MRRF: variants seen among roughly 807,000 people sequenced by gnomAD.
The protein encoded by MRRF is ribosome-recycling factor, mitochondrial.
MRRF carries 18 observed loss-of-function variants against 25.1 expected under a neutral mutation model. That is an observed-to-expected ratio of 0.72 (90% confidence interval 0.50 to 1.06). The LOEUF (loss-of-function observed/expected upper bound fraction) is 1.06, where lower values mean the gene tolerates loss of function less well. Ranked by LOEUF, MRRF falls within the 50% of genes least tolerant of loss-of-function variation. The pLI, the probability that MRRF is intolerant of heterozygous loss-of-function variation, is 0.00. For missense variants in MRRF, 323 were observed against 319.3 expected, an observed-to-expected ratio of 1.01 and a Z score of -0.09; for synonymous variants, 113 against 112.1, an observed-to-expected ratio of 1.01 and a Z score of -0.05.
At chr9:122,266,355 C>A (rs991095049) in intron 1 of MRRF, among the ~76,000 whole-genome samples, 19 of 152,144 alleles carry the variant, frequency 1.2e-4, no homozygotes, top group Non-Finnish European at 2.5e-4. Context: ...CCAAGGAAGC[C>A]GTCCTCTGAG....
chr9:122,297,715 C>T (rs1834178828), intron 5 of MRRF, among the ~76,000 whole-genome samples: 1 of 152,134 alleles, frequency 6.6e-6, no homozygotes, highest in Admixed American at 6.5e-5. Flanking sequence ...GAAGTGAATG[C>T]AGAATGTGGG....
intron 6 of MRRF, among the ~76,000 whole-genome samples, chr9:122,317,103 T>A (rs1287256611): frequency 6.6e-6 from 1 of 150,810 alleles, no homozygotes; most frequent in African/African-American, 2.4e-5. Context: ...TTTGTTGAGA[T>A]GATTTCCTTA....
intron 5 of MRRF, among the ~76,000 whole-genome samples, chr9:122,310,491 G>A (rs1202012982): frequency 6.6e-6 from 1 of 152,218 alleles, no homozygotes; most frequent in Non-Finnish European, 1.5e-5. Flanking sequence ...TTCTTCTGCA[G>A]CTAACAAGTT....
Position 122,313,749 on chromosome 9 carries a change from G to A in MRRF, c.711+363G>A, listed in dbSNP as rs759211246. On this transcript the variant is annotated intron_variant, in intron 6 of 6. Transcript: ENST00000344641. The stretch of plus-strand genomic sequence containing the variant: ...AAATCGGATCCATACTTAGGCAGAC[G>A]GATTTCAGAGCCTCTACGCTAATGC... Among the ~76,000 whole-genome samples, 43 of 152,148 alleles carry A rather than the reference G, an allele frequency of 2.8e-4. 1 individual carries two copies. Among genetic ancestry groups the A allele is most frequent in the South Asian group, 6.2e-4 (3 of 4,818 alleles).
At position 122,330,255 on chromosome 9, in the gene MRRF, G is replaced by A. The variant is rs1836248804; in HGVS notation, c.*7638G>A. On this transcript the variant is annotated 3_prime_UTR_variant, in exon 7 of 7. Transcript: ENST00000344641. The surrounding 1 kb of genome is among the most constrained non-coding windows in gnomAD (Gnocchi z 4.2). The stretch of plus-strand genomic sequence containing the variant: ...GAGCATGCTGGGTGGAAGCCCTGAA[G>A]AGGAAGGGAGAAGGTCTCTGCCCAC... 6.6e-6 allele frequency: 1 copy of A among 152,644 alleles called. No individual in the cohort carries two copies. Among genetic ancestry groups the A allele is most frequent in the African/African-American group, 2.4e-5 (1 of 41,462 alleles). The allele number at this position is 152,644 out of a possible 1,614,324, so 9.5% of individuals were successfully genotyped here.
chr9:122,290,591 A>G lies in MRRF; in HGVS notation c.460-1158A>G, dbSNP rs1287105032. 2.0e-5 allele frequency among the ~76,000 whole-genome samples: 3 copies of G among 152,218 alleles called. No homozygotes were observed. In the East Asian group the frequency reaches 5.8e-4, roughly 29 times the overall value. ...ACCCAGAAAAGTAAAATAGGTGTAT[A>G]TCAACCGCCATTCATTTAAATTAGA... On this transcript the variant is annotated intron_variant, in intron 4 of 6. Coordinates refer to ENST00000344641, the MANE Select transcript of MRRF (RefSeq NM_138777.5).
intron 5 of MRRF, among the ~76,000 whole-genome samples, chr9:122,304,287 GT>G (rs140361418): frequency 0.02 from 3,028 of 152,242 alleles, 100 homozygotes; most frequent in African/African-American, 0.064. Flanking sequence ...CCAGTACACT[GT>G]TTCTTTCTAC....
intron 6 of MRRF, among the ~76,000 whole-genome samples, chr9:122,318,165 A>G (rs1408162154): frequency 6.6e-6 from 1 of 152,086 alleles, no homozygotes; most frequent in Non-Finnish European, 1.5e-5. Flanking sequence ...GAAATGATTC[A>G]TTTGTAGGTT....
intron 5 of MRRF, among the ~76,000 whole-genome samples, chr9:122,294,028 A>G (rs1833936969): frequency 1.3e-5 from 2 of 152,234 alleles, no homozygotes; most frequent in South Asian, 4.1e-4. Flanking sequence ...CGTTAGAAGC[A>G]AGATTTACAA....
chr9:122,300,307 C>T (rs1749550698), intron 5 of MRRF, among the ~76,000 whole-genome samples: 1 of 152,124 alleles, frequency 6.6e-6, no homozygotes, highest in Non-Finnish European at 1.5e-5. Context: ...GGCATCTGTA[C>T]CCCTCACAGC....
At chr9:122,316,424 C>T (rs1205986266) in intron 6 of MRRF, among the ~76,000 whole-genome samples, 2 of 152,132 alleles carry the variant, frequency 1.3e-5, no homozygotes, top group East Asian at 1.9e-4. Context: ...GATCCGCCCA[C>T]CTCAGCCCCC....
chr9:122,285,430 C>A, intron 4 of MRRF, 143 bp downstream of exon 4: 1 of 746,702 alleles, frequency 1.3e-6, no homozygotes, highest in Non-Finnish European at 2.4e-6. Context: ...TAAGGCAAAG[C>A]TCTTTTCCTG....
intron 2 of MRRF, among the ~76,000 whole-genome samples, chr9:122,277,353 G>A (rs1037272923): frequency 6.6e-6 from 1 of 152,030 alleles, no homozygotes; most frequent in African/African-American, 2.4e-5. Flanking sequence ...TCTTTTGACT[G>A]ATGTTTGCCA....
Position 122,291,799 on chromosome 9 carries a change from C to T in MRRF, c.510C>T (p.Asn170=), listed in dbSNP as rs201001240. The T allele has an allele frequency of 1.9e-6, 3 of 1,613,776 alleles. No individual in the cohort carries two copies. The highest frequency in any genetic ancestry group is 2.5e-6 in the Non-Finnish European group (3 of 1,179,822). Residue 170 remains asparagine (N), a synonymous_variant, in exon 5 of 7, where the codon AAC becomes AAT. Coordinates refer to ENST00000344641, the MANE Select transcript of MRRF (RefSeq NM_138777.5). ...TAAGAGAAAGTGGAATGAATCTGAACCCAGAAGTGGAAGGGACGCTAATTC... is the reference window on the plus strand; with the variant it reads ...TAAGAGAAAGTGGAATGAATCTGAATCCAGAAGTGGAAGGGACGCTAATTC... The part of the protein sequence containing the change: ...KAIRESGMNL[N]PEVEGTLIRV...
chr9:122,280,686 T>C (rs1026056885), intron 3 of MRRF, 88 bp downstream of exon 3: 5 of 1,314,530 alleles, frequency 3.8e-6, no homozygotes, highest in African/African-American at 1.5e-5. Context: ...AGCTTTGCCA[T>C]TTACTAACTG....
At chr9:122,320,234 A>C (rs1439715110) in intron 6 of MRRF, among the ~76,000 whole-genome samples, 1 of 152,184 alleles carries the variant, frequency 6.6e-6, no homozygotes, top group Non-Finnish European at 1.5e-5. Flanking sequence ...AGTAACAAGA[A>C]ATAGCAAATA....
At chr9:122,265,403 A>C (rs1489416626) in intron 1 of MRRF, 2 of 256,464 alleles carry the variant, frequency 7.8e-6, no homozygotes, top group East Asian at 2.2e-4. Flanking sequence ...TTGTCATTTC[A>C]GTAGCCCTTC....
At position 122,275,147 on chromosome 9, in the gene MRRF, G is replaced by C. The variant is rs187800059; in HGVS notation, c.184+4072G>C. 2.3e-4 allele frequency among the ~76,000 whole-genome samples: 34 copies of C among 149,088 alleles called. No individual in the cohort carries two copies. In the East Asian group the frequency reaches 5.9e-3, roughly 26 times the overall value. Reference sequence around the variant, plus strand: ...AAAATCTGTCTTAGCAAAAAATCCAGAGTATAATACAATATTACTAACTAT... The same window carrying C: ...AAAATCTGTCTTAGCAAAAAATCCACAGTATAATACAATATTACTAACTAT... On this transcript the variant is annotated intron_variant, in intron 2 of 6. Coordinates refer to ENST00000344641, the MANE Select transcript of MRRF (RefSeq NM_138777.5).
intron 5 of MRRF, among the ~76,000 whole-genome samples, chr9:122,292,905 T>A (rs1218678544): frequency 6.6e-6 from 1 of 152,166 alleles, no homozygotes; most frequent in Non-Finnish European, 1.5e-5. Flanking sequence ...CAAATAAGTG[T>A]TGAATTAACT....
Sources: allele counts gnomAD v4.1 joint callset (sites outside exome capture counted in the v4.1 genomes callset), GRCh38; gene constraint gnomAD v4.1.1; non-coding constraint Gnocchi (gnomAD v3.1); transcripts MANE v1.5; gene names NCBI Gene and HGNC (gene_info 2026-07-23, HGNC 2026-07-21).